The following CCDC171 variants were observed in gnomAD, a reference collection of about 807,000 sequenced individuals.
CCDC171 encodes the protein coiled-coil domain-containing protein 171.
Under a neutral mutation model 168.2 loss-of-function variants are expected in CCDC171, and 177 were observed. That is an observed-to-expected ratio of 1.05 (90% CI 0.93 to 1.19). CCDC171 has a LOEUF of 1.19. Among genes scored for constraint, CCDC171 ranks in the 50% most tolerant of loss-of-function variants. The pLI, the probability that CCDC171 is intolerant of heterozygous loss-of-function variation, is 0.00. For synonymous variants in CCDC171, 687 were observed against 540.8 expected, an observed-to-expected ratio of 1.27 and a Z score of -3.75; for missense variants, 1,991 against 1,539.0, an observed-to-expected ratio of 1.29 and a Z score of -4.91.
At chr9:15,872,705 G>A (rs1817317245) in intron 23 of CCDC171, among the ~76,000 whole-genome samples, 1 of 151,816 alleles carries the variant, frequency 6.6e-6, no homozygotes, top group Non-Finnish European at 1.5e-5. Flanking sequence ...CAATGAATTG[G>A]CCAGGGTGCA....
intron 3 of CCDC171, 77 bp downstream of exon 3, chr9:15,571,836 A>T: frequency 7.7e-7 from 1 of 1,298,526 alleles, no homozygotes; most frequent in Non-Finnish European, 1.1e-6. Flanking sequence ...GAAAAACTCC[A>T]TGTTTAACCT....
At chr9:15,658,165 G>A (rs1260664945) in intron 8 of CCDC171, among the ~76,000 whole-genome samples, 1 of 152,204 alleles carries the variant, frequency 6.6e-6, no homozygotes, top group Admixed American at 6.5e-5. Flanking sequence ...TACTTGCAGT[G>A]TTGAGTGGTA....
chr9:15,787,235 T>C (rs928541072), intron 21 of CCDC171, among the ~76,000 whole-genome samples: 7 of 152,124 alleles, frequency 4.6e-5, no homozygotes, highest in Non-Finnish European at 2.9e-5. Flanking sequence ...TTCTTTGTGG[T>C]GATAATCCAC....
the CCDC171 span, among the ~76,000 whole-genome samples, chr9:16,106,162 C>T: frequency 6.6e-6 from 1 of 152,186 alleles, no homozygotes; most frequent in Non-Finnish European, 1.5e-5. Flanking sequence ...GGCAAATCAT[C>T]AAGAATGCTT....
chr9:15,730,406 T>C (rs1351365757), intron 16 of CCDC171, among the ~76,000 whole-genome samples: 1 of 151,978 alleles, frequency 6.6e-6, no homozygotes, highest in African/African-American at 2.4e-5. Context: ...ATCATCAACA[T>C]TATTTATATT....
At chr9:15,737,679 A>G (rs980335889) in intron 16 of CCDC171, among the ~76,000 whole-genome samples, 1 of 152,208 alleles carries the variant, frequency 6.6e-6, no homozygotes, top group Admixed American at 6.5e-5. Flanking sequence ...AAACAAAACA[A>G]TAAACCCAGG....
chr9:15,960,095 T>C (rs1589253575), intron 25 of CCDC171, among the ~76,000 whole-genome samples: 1 of 152,140 alleles, frequency 6.6e-6, no homozygotes, highest in Non-Finnish European at 1.5e-5. Flanking sequence ...AGGACCAGGG[T>C]AACTTGACTC....
rs557361332 is a variant in CCDC171, at chr9:15,854,984, G to A, written c.3468+6037G>A. On this transcript the variant is annotated intron_variant, in intron 23 of 25. Coordinates refer to ENST00000380701, the MANE Select transcript of CCDC171 (RefSeq NM_173550.4). ...ATCCTTTTTAAGTTTGTTAAAGTTC[G>A]TTGTATGCTCCAATATATGGTCTGT... Among the ~76,000 whole-genome samples the A allele has an allele frequency of 1.4e-4, 21 of 151,614 alleles. No individual in the cohort carries two copies. In the East Asian group the frequency reaches 1.7e-3, roughly 13 times the overall value.
intron 6 of CCDC171, among the ~76,000 whole-genome samples, chr9:15,611,944 C>G (rs1417007867): frequency 6.6e-6 from 1 of 152,074 alleles, no homozygotes; most frequent in Non-Finnish European, 1.5e-5. Context: ...ATTATTAGGT[C>G]TTGATGGTGG....
At chr9:15,757,192 T>C (rs2056175787) in intron 18 of CCDC171, among the ~76,000 whole-genome samples, 1 of 152,102 alleles carries the variant, frequency 6.6e-6, no homozygotes, top group Admixed American at 6.5e-5. Context: ...CACGAAAATG[T>C]GGGAAAATTT....
At chr9:15,585,315 G>C (rs1294809129) in intron 4 of CCDC171, among the ~76,000 whole-genome samples, 1 of 152,280 alleles carries the variant, frequency 6.6e-6, no homozygotes, top group East Asian at 1.9e-4. Flanking sequence ...CTCCATTCAT[G>C]GTGGTCCAAA....
intron 21 of CCDC171, among the ~76,000 whole-genome samples, chr9:15,820,993 C>G (rs1217297682): frequency 8.5e-6 from 1 of 117,204 alleles, no homozygotes; most frequent in Non-Finnish European, 1.9e-5. Flanking sequence ...CCACCATGAT[C>G]AAGTGGGCTT....
intron 1 of CCDC171, among the ~76,000 whole-genome samples, chr9:15,557,901 A>G (rs1347259722): frequency 3.3e-5 from 5 of 152,210 alleles, no homozygotes; most frequent in African/African-American, 1.2e-4. Context: ...TATTATTTTG[A>G]GATACGTCCC....
At chr9:16,009,349 A>T (rs1181805465) in intron 3 of CCDC171, among the ~76,000 whole-genome samples, 3 of 152,208 alleles carry the variant, frequency 2.0e-5, no homozygotes, top group South Asian at 2.1e-4. Flanking sequence ...TCAAATATTG[A>T]GGTACAGTCT....
chr9:15,574,475 T>A (rs1286344042), intron 3 of CCDC171, among the ~76,000 whole-genome samples: 4 of 151,570 alleles, frequency 2.6e-5, no homozygotes, highest in Non-Finnish European at 5.9e-5. Flanking sequence ...GACGGAGTTT[T>A]ACCATGTTGG....
At chr9:15,855,485 A>G (rs896368761) in intron 23 of CCDC171, among the ~76,000 whole-genome samples, 4 of 151,802 alleles carry the variant, frequency 2.6e-5, no homozygotes, top group Non-Finnish European at 4.4e-5. Context: ...TCACGTTTTG[A>G]AAAACATTCA....
intron 21 of CCDC171, among the ~76,000 whole-genome samples, chr9:15,821,972 T>G: frequency 6.6e-6 from 1 of 151,980 alleles, no homozygotes; most frequent in Non-Finnish European, 1.5e-5. Context: ...CATGGTAGTA[T>G]TACCAAAACA....
Position 15,853,107 on chromosome 9 carries a change from C to T in CCDC171, c.3468+4160C>T, listed in dbSNP as rs532382116. 2.0e-5 allele frequency among the ~76,000 whole-genome samples: 3 copies of T among 151,298 alleles called. No homozygotes were observed. In the South Asian group the frequency reaches 6.2e-4, roughly 31 times the overall value. On this transcript the variant is annotated intron_variant, in intron 23 of 25. Coordinates refer to ENST00000380701, the MANE Select transcript of CCDC171 (RefSeq NM_173550.4). ...TTTGGGATCAGCTTGTCCATTTCTG[C>T]AAAAGAAGGCAATGGAATTTTGAAA...
chr9:15,692,167 G>C (rs2050848223), intron 10 of CCDC171, among the ~76,000 whole-genome samples: 1 of 152,176 alleles, frequency 6.6e-6, no homozygotes, highest in Non-Finnish European at 1.5e-5. Flanking sequence ...CTTGAGGCCA[G>C]GAGTTCGAGA....
Sources: allele counts gnomAD v4.1 joint callset (sites outside exome capture counted in the v4.1 genomes callset), GRCh38; gene constraint gnomAD v4.1.1; transcripts MANE v1.5; gene names NCBI Gene and HGNC (gene_info 2026-07-23, HGNC 2026-07-21).